Variants in EMC2 observed in about 807,000 individuals in gnomAD.
EMC2 encodes the protein TPR repeat protein 35.
In EMC2, 37 loss-of-function variants were observed where a neutral mutation model predicts 51.6. The ratio of observed to expected loss-of-function variants is 0.72; its 90% CI spans 0.55 to 0.94. The LOEUF is 0.94. Ranked by LOEUF, EMC2 falls within the 40% of genes least tolerant of loss-of-function variation. The pLI is 0.00. For missense variants in EMC2, 359 were observed against 350.9 expected (o/e 1.02, Z -0.18); for synonymous variants, 131 against 112.4 (o/e 1.17, Z -1.04).
chr8:108,486,612 C>T lies in EMC2; in HGVS notation c.*14C>T, dbSNP rs1285635306. 1 of 1,580,400 alleles carries T rather than the reference C, an allele frequency of 6.3e-7. No individual in the cohort carries two copies. Among genetic ancestry groups the T allele is most frequent in the Non-Finnish European group, 8.6e-7 (1 of 1,167,308 alleles). On this transcript the variant is annotated 3_prime_UTR_variant, in exon 11 of 11. Coordinates refer to ENST00000220853, the MANE Select transcript of EMC2 (RefSeq NM_014673.5). ...ACCCAGTCTTAAGGTTTCAAAAACT[C>T]TTTGACATTAGATTTCACAACTGCA...
Position 108,488,928 on chromosome 8 carries a change from T to C in EMC2, c.*2330T>C, listed in dbSNP as rs1480838904. On this transcript the variant is annotated 3_prime_UTR_variant, in exon 11 of 11. Coordinates refer to ENST00000220853, the MANE Select transcript of EMC2 (RefSeq NM_014673.5). ...ACTGAGAAGGGCTTTCCTTTCAAAT[T>C]AAAAAATCAGAGCTTTGTGTGGTAA... 6.6e-6 allele frequency among the ~76,000 whole-genome samples: 1 copy of C among 152,146 alleles called. No homozygotes were observed. Among genetic ancestry groups the C allele is most frequent in the Non-Finnish European group, 1.5e-5 (1 of 68,016 alleles).
intron 3 of EMC2, among the ~76,000 whole-genome samples, chr8:108,452,645 A>G (rs998185271): frequency 6.6e-6 from 1 of 152,196 alleles, no homozygotes; most frequent in Non-Finnish European, 1.5e-5. Context: ...GTTATTTGCT[A>G]GGAACTTGAG....
At chr8:108,481,684 G>A (rs1811047174) in intron 10 of EMC2, among the ~76,000 whole-genome samples, 1 of 152,034 alleles carries the variant, frequency 6.6e-6, no homozygotes. Flanking sequence ...AATGTATCCA[G>A]GCTAATAAAT....
chr8:108,457,331 C>CGTGTGT (rs56319322), intron 5 of EMC2, among the ~76,000 whole-genome samples: 1,881 of 128,026 alleles, frequency 0.015, 23 homozygotes, highest in African/African-American at 0.024. Context: ...CGTGTGTGTG[C>CGTGTGT]GTGTGTGTGT....
intron 5 of EMC2, among the ~76,000 whole-genome samples, chr8:108,462,720 CT>C: frequency 6.8e-6 from 1 of 147,378 alleles, no homozygotes. Flanking sequence ...ATTATGAGTA[CT>C]GCTGAACATC....
At chr8:108,475,706 T>C (rs1281085654) in intron 7 of EMC2, 176 bp from the exon 8 acceptor site, 1 of 519,190 alleles carries the variant, frequency 1.9e-6, no homozygotes, top group Non-Finnish European at 3.4e-6. Flanking sequence ...TAAAATTTAA[T>C]GTCATTGATA....
chr8:108,466,150 G>A (rs1159431214), intron 5 of EMC2, among the ~76,000 whole-genome samples: 2 of 152,110 alleles, frequency 1.3e-5, no homozygotes, highest in African/African-American at 4.8e-5. Flanking sequence ...ACTTGCCCAA[G>A]ATCTTACAGT....
At chr8:108,446,199 T>C in intron 1 of EMC2, 1 of 342,178 alleles carries the variant, frequency 2.9e-6, no homozygotes, top group Non-Finnish European at 6.0e-6. Context: ...ATTTAGGAAA[T>C]ATTAGTTGAG....
At chr8:108,477,265 A>G (rs151305840) in intron 9 of EMC2, among the ~76,000 whole-genome samples, 83 of 152,136 alleles carry the variant, frequency 5.5e-4, no homozygotes, top group African/African-American at 1.7e-3. Context: ...CAGTGCCAAT[A>G]AAATACATTA....
At chr8:108,447,619 A>G (rs577918317) in intron 1 of EMC2, among the ~76,000 whole-genome samples, 3 of 152,192 alleles carry the variant, frequency 2.0e-5, no homozygotes, top group African/African-American at 7.2e-5. Flanking sequence ...TCCATCTTTC[A>G]GAGGCCACCT....
At chr8:108,443,876 C>T (rs1818812353) in intron 1 of EMC2, among the ~76,000 whole-genome samples, 178 bp downstream of exon 1, 1 of 152,168 alleles carries the variant, frequency 6.6e-6, no homozygotes, top group Non-Finnish European at 1.5e-5. Context: ...CGGACGCGTA[C>T]TCTGCAGCGT....
At chr8:108,462,348 G>A (rs1819350401) in intron 5 of EMC2, among the ~76,000 whole-genome samples, 1 of 152,108 alleles carries the variant, frequency 6.6e-6, no homozygotes, top group Non-Finnish European at 1.5e-5. Context: ...GAGTAGGATT[G>A]CATTGCGTGG....
At chr8:108,445,049 A>G (rs2130320032) in intron 1 of EMC2, among the ~76,000 whole-genome samples, 1 of 152,342 alleles carries the variant, frequency 6.6e-6, no homozygotes, top group Middle Eastern at 3.4e-3. Flanking sequence ...GGTTTCCTAG[A>G]TGATAGTAGC....
At chr8:108,444,607 C>T (rs944691734) in intron 1 of EMC2, among the ~76,000 whole-genome samples, 5 of 152,038 alleles carry the variant, frequency 3.3e-5, no homozygotes, top group African/African-American at 9.7e-5. Context: ...AACATGTGGA[C>T]CGAAAGTTGT....
intron 5 of EMC2, among the ~76,000 whole-genome samples, chr8:108,459,332 A>G (rs1361078734): frequency 1.3e-5 from 2 of 152,172 alleles, no homozygotes; most frequent in Admixed American, 6.5e-5. Context: ...ACTGGTATCA[A>G]TTTACTGTGT....
At chr8:108,467,314 A>G (rs1405171161) in intron 5 of EMC2, among the ~76,000 whole-genome samples, 1 of 150,516 alleles carries the variant, frequency 6.6e-6, no homozygotes, top group Non-Finnish European at 1.5e-5. Flanking sequence ...AATTTTAGAT[A>G]TGCTTTGAAT....
At chr8:108,453,553 T>C (rs1229175465) in intron 4 of EMC2, among the ~76,000 whole-genome samples, 1 of 152,166 alleles carries the variant, frequency 6.6e-6, no homozygotes, top group Non-Finnish European at 1.5e-5. Flanking sequence ...TTATCATTTT[T>C]TTTTTAATGC....
rs73699828 is a variant in EMC2, at chr8:108,478,796, C to T, written c.703-210C>T. 5.3e-3 allele frequency among the ~76,000 whole-genome samples: 809 copies of T among 151,636 alleles called. 6 individuals carry two copies. Among genetic ancestry groups the T allele is most frequent in the African/African-American group, 0.018 (754 of 41,468 alleles). On this transcript the variant is annotated intron_variant, in intron 9 of 10. Transcript: ENST00000220853. ...TTAGGTATTATTTAAAATATCTTTT[C>T]CCTTTCCACTATTTTGGATTTATAC...
intron 9 of EMC2, among the ~76,000 whole-genome samples, chr8:108,477,211 TTG>T (rs1810962970): frequency 6.6e-6 from 1 of 152,030 alleles, no homozygotes; most frequent in African/African-American, 2.4e-5. Context: ...CCCAACATTA[TTG>T]TATTTCTTCC....
Sources: allele counts gnomAD v4.1 joint callset (sites outside exome capture counted in the v4.1 genomes callset), GRCh38; gene constraint gnomAD v4.1.1; transcripts MANE v1.5; gene names NCBI Gene and HGNC (gene_info 2026-07-23, HGNC 2026-07-21).